Variants in RSPO1 observed in about 807,000 individuals in gnomAD.
RSPO1 encodes R-spondin-1.
RSPO1 carries 18 observed loss-of-function variants against 26.0 expected under a neutral mutation model. That is an observed-to-expected ratio of 0.69 (90% CI 0.48 to 1.03). The LOEUF is 1.03. Ranked by LOEUF, RSPO1 falls within the 50% of genes least tolerant of loss-of-function variation. The pLI, the probability that RSPO1 is intolerant of heterozygous loss-of-function variation, is 0.00. For missense variants in RSPO1, 309 were observed against 352.3 expected (o/e 0.88, Z 0.98); for synonymous variants, 133 against 137.4 (o/e 0.97, Z 0.22).
chr1:37,628,622 G>GC (rs1644312761), intron 3 of RSPO1, among the ~76,000 whole-genome samples: 1 of 152,212 alleles, frequency 6.6e-6, no homozygotes, highest in Non-Finnish European at 1.5e-5. Context: ...CCTCGTGTGG[G>GC]CCCCTCACAC....
At chr1:37,616,291 G>A (rs529809792) in intron 4 of RSPO1, among the ~76,000 whole-genome samples, 193 bp downstream of exon 4, 49 of 152,220 alleles carry the variant, frequency 3.2e-4, no homozygotes, top group African/African-American at 9.9e-4. Context: ...GGGCAGGTGC[G>A]AAGGGAGGAG....
At position 37,629,557 on chromosome 1, in the gene RSPO1, C is replaced by T; in HGVS notation, c.94+11G>A. 1 of 1,613,422 alleles carries T rather than the reference C, an allele frequency of 6.2e-7. No individual in the cohort carries two copies. Among genetic ancestry groups the T allele is most frequent in the Non-Finnish European group, 8.5e-7 (1 of 1,179,358 alleles). ...AAGGCCAGCTGTGGCCCACCATGCT[C>T]CATTACTCACTCCGCCTCTGCCTTT... On this transcript the variant is annotated intron_variant, in intron 3 of 6. Coordinates refer to ENST00000356545, the MANE Select transcript of RSPO1 (RefSeq NM_001242908.2).
At chr1:37,620,246 C>T (rs1006447230) in intron 3 of RSPO1, among the ~76,000 whole-genome samples, 1 of 152,160 alleles carries the variant, frequency 6.6e-6, no homozygotes, top group East Asian at 1.9e-4. Flanking sequence ...GGTGTGGTGG[C>T]TCATGCCTGT....
At chr1:37,630,659 T>C (rs551305791) in intron 2 of RSPO1, among the ~76,000 whole-genome samples, 1 of 152,272 alleles carries the variant, frequency 6.6e-6, no homozygotes, top group Non-Finnish European at 1.5e-5. Flanking sequence ...GCTGGGGTGA[T>C]GGGGGCAGGG....
rs766791484 is a variant in RSPO1 at position 37,612,939 on chromosome 1, C to A, written c.626-18G>T. 1 of 1,613,618 alleles carries A rather than the reference C, an allele frequency of 6.2e-7. No individual in the cohort carries two copies. Among genetic ancestry groups the A allele is most frequent in the Admixed American group, 1.7e-5 (1 of 60,026 alleles). On this transcript the variant is annotated intron_variant, in intron 6 of 6. Transcript: ENST00000356545. ...CTTCTGCCCTGAAACAACCAAACAGCAGGAAGAATCAACAAAGGATGTGCA... is the reference window on the plus strand; with the variant it reads ...CTTCTGCCCTGAAACAACCAAACAGAAGGAAGAATCAACAAAGGATGTGCA...
chr1:37,616,673 T>G lies in RSPO1; in HGVS notation c.97A>C (p.Ser33Arg). The G allele has an allele frequency of 6.2e-7, 1 of 1,613,950 alleles. No homozygotes were observed. Residue 33 changes from serine to arginine, a missense_variant and splice_region_variant, in exon 4 of 7, where the codon AGT becomes CGT. Ser to Arg is a moderately radical substitution (Grantham distance 110). Coordinates refer to ENST00000356545, the MANE Select transcript of RSPO1 (RefSeq NM_001242908.2). ...GIKGKRQRRI[S>R]AEGSQACAKG... ...GCACAGGCCTGGCTCCCCTCGGCAC[T>G]GACTGCAAAGGTGGAGCAGGCATGA...
intron 2 of RSPO1, among the ~76,000 whole-genome samples, chr1:37,630,850 C>T (rs1644350295): frequency 6.6e-6 from 1 of 152,244 alleles, no homozygotes; most frequent in African/African-American, 2.4e-5. Context: ...CACACACCCA[C>T]ACCACAACAG....
intron 3 of RSPO1, among the ~76,000 whole-genome samples, chr1:37,626,116 A>G (rs1644272807): frequency 1.3e-5 from 2 of 152,096 alleles, no homozygotes; most frequent in South Asian, 2.1e-4. Context: ...TGAAAGCCTC[A>G]GTAGCTCCTC....
chr1:37,627,104 T>A (rs1644288328), intron 3 of RSPO1, among the ~76,000 whole-genome samples: 1 of 151,742 alleles, frequency 6.6e-6, no homozygotes, highest in African/African-American at 2.4e-5. Context: ...TAGCTCAGAA[T>A]GAGATTTAGA....
At chr1:37,627,272 T>A (rs1266007816) in intron 3 of RSPO1, among the ~76,000 whole-genome samples, 1 of 152,060 alleles carries the variant, frequency 6.6e-6, no homozygotes, top group Non-Finnish European at 1.5e-5. Context: ...CACACAGCTG[T>A]CTTGGTCTTC....
intron 3 of RSPO1, among the ~76,000 whole-genome samples, chr1:37,621,877 C>T (rs1198538638): frequency 6.6e-6 from 1 of 150,782 alleles, no homozygotes; most frequent in Non-Finnish European, 1.5e-5. Context: ...ACGTAGCTCA[C>T]TGAAGCCTCA....
chr1:37,629,938 C>A lies in RSPO1; in HGVS notation c.-277G>T. ...TTTTGTCACGTCAGCAGGGACTACT[C>A]CAAAAACCAACCTGTCAGGGAAGGA... On this transcript the variant is annotated 5_prime_UTR_variant, in exon 3 of 7. Coordinates refer to ENST00000356545, the MANE Select transcript of RSPO1 (RefSeq NM_001242908.2). 2 of 1,411,442 alleles carry A rather than the reference C, an allele frequency of 1.4e-6. No homozygotes were observed. The highest frequency in any genetic ancestry group is 2.5e-5 in the East Asian group (1 of 40,238). 87.4% of individuals were successfully genotyped at this position (1,411,442 alleles called of 1,614,324 possible).
intron 3 of RSPO1, among the ~76,000 whole-genome samples, chr1:37,618,020 G>A (rs1317512177): frequency 6.6e-6 from 1 of 152,216 alleles, no homozygotes; most frequent in African/African-American, 2.4e-5. Flanking sequence ...AGAATTAAGG[G>A]CACTCAGGGA....
intron 4 of RSPO1, 62 bp downstream of exon 4, chr1:37,616,422 C>T (rs1200818723): frequency 1.3e-6 from 2 of 1,524,826 alleles, no homozygotes; most frequent in African/African-American, 1.4e-5. Context: ...TGGTTCAAAG[C>T]ACTCTCCCCC....
intron 2 of RSPO1, among the ~76,000 whole-genome samples, chr1:37,630,968 T>C (rs1644352491): frequency 6.6e-6 from 1 of 152,104 alleles, no homozygotes; most frequent in Non-Finnish European, 1.5e-5. Context: ...ACTGAACCTG[T>C]TTCACATCTA....
rs6680858 is a variant in RSPO1 at position 37,633,751 on chromosome 1, C to G, written c.-356+815G>C. Among the ~76,000 whole-genome samples, 499 of 152,246 alleles carry G rather than the reference C, an allele frequency of 3.3e-3. 3 individuals are homozygous for G. Among genetic ancestry groups the G allele is most frequent in the African/African-American group, 0.011 (465 of 41,540 alleles). On this transcript the variant is annotated intron_variant, in intron 1 of 6. Coordinates refer to ENST00000356545, the MANE Select transcript of RSPO1 (RefSeq NM_001242908.2). Reference sequence around the variant, plus strand: ...AAGCCAGGTGCTGGGGCCGTGCCCCCCCTCCAAAAGCAAGGGCAGCGGAGG... The same window carrying G: ...AAGCCAGGTGCTGGGGCCGTGCCCCGCCTCCAAAAGCAAGGGCAGCGGAGG...
rs1644068745 is a variant in RSPO1, at chr1:37,613,995, T to C, written c.437-103A>G. 1.4e-6 allele frequency: 2 copies of C among 1,407,344 alleles called. No individual in the cohort carries two copies. The highest frequency in any genetic ancestry group is 1.4e-5 in the African/African-American group (1 of 70,668). The allele number at this position is 1,407,344 out of a possible 1,614,324, so 87.2% of individuals were successfully genotyped here. On this transcript the variant is annotated intron_variant, in intron 5 of 6. Transcript: ENST00000356545. This position sits in a 1 kb window ranked among gnomAD's most constrained non-coding sequence, Gnocchi z 4.5. ...AGGGGAGCATCTCCCACTTTCCTTCTGCCTGGACCTGAGGCTGCAGGTATC... is the reference window on the plus strand; with the variant it reads ...AGGGGAGCATCTCCCACTTTCCTTCCGCCTGGACCTGAGGCTGCAGGTATC...
chr1:37,625,562 T>C (rs1039257303), intron 3 of RSPO1, among the ~76,000 whole-genome samples: 2 of 151,818 alleles, frequency 1.3e-5, no homozygotes, highest in African/African-American at 4.8e-5. Context: ...AGGAAGTGAG[T>C]AGGCCAGGGC....
intron 1 of RSPO1, among the ~76,000 whole-genome samples, chr1:37,633,842 C>T (rs908648557): frequency 1.3e-5 from 2 of 152,210 alleles, no homozygotes; most frequent in African/African-American, 4.8e-5. Flanking sequence ...CCCACCATCC[C>T]GCAGAGGCCC....
Sources: allele counts gnomAD v4.1 joint callset (sites outside exome capture counted in the v4.1 genomes callset), GRCh38; gene constraint gnomAD v4.1.1; non-coding constraint Gnocchi (gnomAD v3.1); transcripts MANE v1.5; gene names NCBI Gene and HGNC (gene_info 2026-07-23, HGNC 2026-07-21).